SYNPO2: variants seen among roughly 807,000 people sequenced by gnomAD.
The protein encoded by SYNPO2 is synaptopodin-2.
A neutral mutation model predicts 85.0 loss-of-function variants in SYNPO2; 56 were observed. The ratio of observed to expected loss-of-function variants is 0.66; its 90% confidence interval spans 0.53 to 0.82. The LOEUF (loss-of-function observed/expected upper bound fraction) is 0.82, where lower values mean the gene tolerates loss of function less well. Among genes scored for constraint, SYNPO2 ranks in the 40% least tolerant of loss-of-function variants. SYNPO2 has a pLI of 0.00. For missense variants in SYNPO2, 1,575 were observed against 1,534.2 expected, an observed-to-expected ratio of 1.03 and a Z score of -0.44; for synonymous variants, 602 against 591.1, an observed-to-expected ratio of 1.02 and a Z score of -0.27.
At position 119,030,938 on chromosome 4, in the gene SYNPO2, G is replaced by T. The variant is rs745835000; in HGVS notation, c.2163G>T (p.Arg721=). 5 of 1,614,126 alleles carry T rather than the reference G, an allele frequency of 3.1e-6. No individual in the cohort carries two copies. The East Asian group carries it at 8.9e-5, about 29-fold the overall frequency. ...LSLLQNSEGK[R]GTGAGGDSGP... is the part of the protein sequence containing the mutation. ...TCCTTCAAAATTCAGAAGGCAAACG[G>T]GGCACTGGAGCTGGAGGTGATTCCG... The change falls in exon 4 of 5, where the codon CGG becomes CGT. Residue 721 remains arginine (R), a synonymous_variant. Transcript: ENST00000307142.
chr4:119,032,460 C>T (rs556951556), intron 4 of SYNPO2: 16 of 1,044,488 alleles, frequency 1.5e-5, no homozygotes, highest in Non-Finnish European at 6.9e-6. Flanking sequence ...CCTATATTGA[C>T]TGAGATTTCC....
intron 1 of SYNPO2, among the ~76,000 whole-genome samples, chr4:118,902,239 T>C (rs983269833): frequency 8.5e-5 from 13 of 152,212 alleles, no homozygotes; most frequent in African/African-American, 3.1e-4. Flanking sequence ...TTCATCCATT[T>C]CGGCTTCTCA....
intron 1 of SYNPO2, among the ~76,000 whole-genome samples, chr4:118,898,153 A>AT (rs1256648243): frequency 6.6e-6 from 1 of 152,064 alleles, no homozygotes; most frequent in Non-Finnish European, 1.5e-5. Flanking sequence ...GCAGCTGACC[A>AT]TTTTTGAGAA....
intron 4 of SYNPO2, chr4:119,037,046 C>T (rs1738545387): frequency 6.9e-7 from 1 of 1,444,768 alleles, no homozygotes; most frequent in Non-Finnish European, 9.1e-7. Flanking sequence ...TGTAAAGCTC[C>T]TTGTGTTTAC....
At chr4:119,035,862 G>C (rs1399639470) in intron 4 of SYNPO2, 1 of 984,178 alleles carries the variant, frequency 1.0e-6, no homozygotes, top group Non-Finnish European at 1.2e-6. Context: ...AAAGGGGGTA[G>C]ACTAACGTAT....
At position 119,036,115 on chromosome 4, in the gene SYNPO2, T is replaced by C. The variant is rs540561035; in HGVS notation, c.3252+4088T>C. On this transcript the variant is annotated intron_variant, in intron 4 of 4. Coordinates refer to ENST00000307142, the MANE Select transcript of SYNPO2 (RefSeq NM_133477.3). Reference sequence around the variant, plus strand: ...CAAGCACCCCCATTCTAAGGGTGAATTATTGAAATCAGTTGCTATTTGATG... The same window carrying C: ...CAAGCACCCCCATTCTAAGGGTGAACTATTGAAATCAGTTGCTATTTGATG... 1.5e-4 allele frequency: 149 copies of C among 985,366 alleles called. No homozygotes were observed. In the African/African-American group the frequency reaches 2.4e-3, roughly 16 times the overall value. The allele number at this position is 985,366 out of a possible 1,614,324, so 61.0% of individuals were successfully genotyped here.
intron 1 of SYNPO2, among the ~76,000 whole-genome samples, chr4:118,977,005 G>C (rs550146621): frequency 5.3e-5 from 8 of 152,356 alleles, no homozygotes; most frequent in African/African-American, 1.9e-4. Flanking sequence ...ATCCCGCACC[G>C]GGGCTGCAGC....
chr4:119,052,089 A>G (rs1478742972), intron 4 of SYNPO2, among the ~76,000 whole-genome samples: 1 of 152,196 alleles, frequency 6.6e-6, no homozygotes, highest in Non-Finnish European at 1.5e-5. Flanking sequence ...GAGGATGGGT[A>G]GGAGGTCAGA....
intron 1 of SYNPO2, among the ~76,000 whole-genome samples, chr4:118,858,927 C>T (rs989979417): frequency 6.6e-6 from 1 of 152,150 alleles, no homozygotes; most frequent in Non-Finnish European, 1.5e-5. Context: ...CCATCCTGCC[C>T]CCACATCATA....
intron 1 of SYNPO2, among the ~76,000 whole-genome samples, chr4:118,876,829 C>G (rs1731935882): frequency 6.9e-6 from 1 of 145,222 alleles, no homozygotes; most frequent in South Asian, 2.2e-4. Flanking sequence ...GGGTCTTGTT[C>G]TGTTGCACTG....
intron 1 of SYNPO2, among the ~76,000 whole-genome samples, chr4:118,970,773 A>G (rs1055033302): frequency 1.3e-5 from 2 of 152,208 alleles, no homozygotes; most frequent in Admixed American, 1.3e-4. Flanking sequence ...GGTTCCCTTC[A>G]TCTCAGAAGC....
At chr4:118,857,001 T>C (rs964798816) in intron 1 of SYNPO2, among the ~76,000 whole-genome samples, 2 of 152,138 alleles carry the variant, frequency 1.3e-5, no homozygotes, top group African/African-American at 4.8e-5. Context: ...ATGTATTCTT[T>C]ATAAGTATAG....
At position 119,031,935 on chromosome 4, in the gene SYNPO2, C is replaced by T; in HGVS notation, c.3160C>T (p.Pro1054Ser). The change falls in exon 4 of 5, where the codon CCC becomes TCC. Residue 1054 changes from proline (P) to serine (S), a missense_variant. Pro to Ser is a moderately conservative substitution (Grantham distance 74). Coordinates refer to ENST00000307142, the MANE Select transcript of SYNPO2 (RefSeq NM_133477.3). ...TGCATCCCCAGTGCCTGTGGGCATT[C>T]CCACCTCGCCAAAGCAAGAATCAGC... is the stretch of plus-strand genomic sequence containing the variant. ...VSASPVPVGI[P>S]TSPKQESASS... The T allele has an allele frequency of 6.2e-7, 1 of 1,614,244 alleles. No homozygotes were observed. The highest frequency in any genetic ancestry group is 8.5e-7 in the Non-Finnish European group (1 of 1,180,048).
At chr4:118,881,009 G>A (rs1283010521) in intron 1 of SYNPO2, among the ~76,000 whole-genome samples, 2 of 151,516 alleles carry the variant, frequency 1.3e-5, no homozygotes, top group Non-Finnish European at 2.9e-5. Flanking sequence ...GTTCCTATAC[G>A]AAGAGGTTAA....
intron 1 of SYNPO2, among the ~76,000 whole-genome samples, chr4:119,007,970 A>C (rs1737144335): frequency 6.6e-6 from 1 of 152,218 alleles, no homozygotes. Flanking sequence ...AAGATACATT[A>C]TTATTTTCCA....
chr4:119,031,275 G>A lies in SYNPO2; in HGVS notation c.2500G>A (p.Ala834Thr). 3 of 1,614,186 alleles carry A rather than the reference G, an allele frequency of 1.9e-6. No individual in the cohort carries two copies. The highest frequency in any genetic ancestry group is 2.5e-6 in the Non-Finnish European group (3 of 1,180,040). Residue 834 changes from alanine (A) to threonine (T), a missense_variant, in exon 4 of 5, where the codon GCA (alanine) becomes ACA (threonine). Transcript: ENST00000307142. ...TGGTCCCTTCAAAGGACCACAAGCA[G>A]CAGTAGCCAGTCAGAATTACACACC... ...VAGPFKGPQA[A>T]VASQNYTPKP...
intron 4 of SYNPO2, among the ~76,000 whole-genome samples, chr4:119,051,186 ATTTT>A (rs369864760): frequency 4.0e-5 from 4 of 100,720 alleles, no homozygotes; most frequent in African/African-American, 1.2e-4. Flanking sequence ...ATGGGAAGCA[ATTTT>A]TTTTTTTTTT....
At chr4:118,994,312 C>T (rs1310728708) in intron 1 of SYNPO2, among the ~76,000 whole-genome samples, 2 of 152,226 alleles carry the variant, frequency 1.3e-5, no homozygotes, top group African/African-American at 4.8e-5. Context: ...GTAGGACAAG[C>T]CAGGCATGTG....
At chr4:119,050,917 T>C (rs1299009220) in intron 4 of SYNPO2, among the ~76,000 whole-genome samples, 1 of 152,238 alleles carries the variant, frequency 6.6e-6, no homozygotes, top group Non-Finnish European at 1.5e-5. Flanking sequence ...TGTGTTTATG[T>C]ACACACATCT....
Sources: allele counts gnomAD v4.1 joint callset (sites outside exome capture counted in the v4.1 genomes callset), GRCh38; gene constraint gnomAD v4.1.1; transcripts MANE v1.5; gene names NCBI Gene and HGNC (gene_info 2026-07-23, HGNC 2026-07-21).